Variants in ZNF512 observed in about 807,000 individuals in gnomAD.
ZNF512 encodes the protein zinc finger protein 512.
A neutral mutation model predicts 77.5 loss-of-function variants in ZNF512; 25 were observed. The ratio of observed to expected loss-of-function variants is 0.32; its 90% confidence interval spans 0.23 to 0.45. The LOEUF is 0.45. Among genes scored for constraint, ZNF512 ranks in the 20% least tolerant of loss-of-function variants. The pLI is 1.00. For synonymous variants in ZNF512, 246 were observed against 239.9 expected, an observed-to-expected ratio of 1.03 and a Z score of -0.24; for missense variants, 483 against 692.6, an observed-to-expected ratio of 0.70 and a Z score of 3.40.
At position 27,617,296 on chromosome 2, in the gene ZNF512, G is replaced by C; in HGVS notation, c.1297-177G>C. The C allele has an allele frequency of 1.0e-5, 6 of 575,786 alleles. No individual in the cohort carries two copies. The South Asian group carries it at 1.3e-4, about 12-fold the overall frequency. 35.7% of individuals were successfully genotyped at this position (575,786 alleles called of 1,614,324 possible). A position where few individuals can be genotyped will look rare whatever the true frequency, so the allele number is the denominator to read the frequency against. On this transcript the variant is annotated intron_variant, in intron 12 of 13. Coordinates refer to ENST00000355467, the MANE Select transcript of ZNF512 (RefSeq NM_032434.4). Reference sequence around the variant, plus strand: ...CAGAATTGCACTAGGATGGATTTATGTTGATAATCATCCATCCAAGCTGGT... The same window carrying C: ...CAGAATTGCACTAGGATGGATTTATCTTGATAATCATCCATCCAAGCTGGT...
chr2:27,602,259 G>T (rs1014377585), intron 7 of ZNF512, among the ~76,000 whole-genome samples: 5 of 152,210 alleles, frequency 3.3e-5, no homozygotes, highest in Admixed American at 6.5e-5. Flanking sequence ...TATCTTGGGA[G>T]TCAGAGGCTC....
chr2:27,600,700 A>C lies in ZNF512; in HGVS notation c.467A>C (p.Glu156Ala). 1 of 1,613,604 alleles carries C rather than the reference A, an allele frequency of 6.2e-7. No individual in the cohort carries two copies. Among genetic ancestry groups the C allele is most frequent in the Non-Finnish European group, 8.5e-7 (1 of 1,179,760 alleles). ...EPPVYAAGSL[E>A]EQWYLEIVDK... ...TTTCTCTCCTTTGTAGGCAGTTTGG[A>C]GGAGCAATGGTACTTAGAAATCGTT... Residue 156 changes from glutamate to alanine, a missense_variant, in exon 6 of 14, where the codon GAG becomes GCG. Glu to Ala is a moderately radical substitution (Grantham distance 107). Coordinates refer to ENST00000355467, the MANE Select transcript of ZNF512 (RefSeq NM_032434.4).
chr2:27,599,843 C>A, intron 4 of ZNF512, 127 bp from the exon 5 acceptor site: 1 of 1,221,914 alleles, frequency 8.2e-7, no homozygotes, highest in Non-Finnish European at 1.2e-6. Context: ...CCCTTTCATT[C>A]TGTCCTGACT....
intron 3 of ZNF512, among the ~76,000 whole-genome samples, chr2:27,599,236 C>T (rs1463197184): frequency 6.6e-6 from 1 of 152,146 alleles, no homozygotes; most frequent in Admixed American, 6.5e-5. Context: ...TGGATCGTCA[C>T]AATCTCAAGG....
At chr2:27,587,282 T>C (rs1671374608) in intron 2 of ZNF512, among the ~76,000 whole-genome samples, 1 of 149,836 alleles carries the variant, frequency 6.7e-6, no homozygotes, top group Admixed American at 6.6e-5. Flanking sequence ...TTTTTTTTTT[T>C]TTTTCTTTTT....
At chr2:27,613,587 G>A (rs1672756676) in intron 10 of ZNF512, among the ~76,000 whole-genome samples, 1 of 151,974 alleles carries the variant, frequency 6.6e-6, no homozygotes, top group African/African-American at 2.4e-5. Context: ...CCAAATTTGT[G>A]CATACTTAAG....
chr2:27,599,748 G>A, intron 4 of ZNF512, 70 bp downstream of exon 4: 1 of 1,460,722 alleles, frequency 6.8e-7, no homozygotes, highest in Non-Finnish European at 9.5e-7. Flanking sequence ...GTAAAGGAAA[G>A]AGAAGCCTTA....
chr2:27,586,570 G>A (rs1297570892), intron 2 of ZNF512, among the ~76,000 whole-genome samples: 2 of 152,126 alleles, frequency 1.3e-5, no homozygotes, highest in South Asian at 2.1e-4. Context: ...GTAGGTTTTG[G>A]CCTTAGAGGC....
chr2:27,608,558 A>G (rs1035445035), intron 10 of ZNF512, among the ~76,000 whole-genome samples: 5 of 152,068 alleles, frequency 3.3e-5, no homozygotes, highest in African/African-American at 1.2e-4. Context: ...CACGGCCCCA[A>G]GCATACTTCT....
At chr2:27,619,128 G>A (rs1030137640) in intron 13 of ZNF512, among the ~76,000 whole-genome samples, 6 of 151,980 alleles carry the variant, frequency 3.9e-5, no homozygotes, top group African/African-American at 1.5e-4. Flanking sequence ...GGTAATTATC[G>A]GCTGGGCACG....
intron 2 of ZNF512, among the ~76,000 whole-genome samples, chr2:27,596,784 A>G (rs985810205): frequency 2.6e-5 from 4 of 152,100 alleles, no homozygotes; most frequent in African/African-American, 7.2e-5. Flanking sequence ...ATTCTTCCCT[A>G]TTTGTAACAT....
rs752305709 is a variant in ZNF512, at chr2:27,615,230, A to G, written c.1194A>G (p.Thr398=). Residue 398 remains threonine, a synonymous_variant, in exon 11 of 14, where the codon ACA becomes ACG. Transcript: ENST00000355467. ...FSQEVLHKWK[T]DIKKYHRIQC... ...AGGAAGTACTACATAAATGGAAGACAGATATCAAGAAATATCATCGTATTC... is the reference window on the plus strand; with the variant it reads ...AGGAAGTACTACATAAATGGAAGACGGATATCAAGAAATATCATCGTATTC... 26 of 1,606,562 alleles carry G rather than the reference A, an allele frequency of 1.6e-5. No individual in the cohort carries two copies. Among genetic ancestry groups the G allele is most frequent in the East Asian group, 4.5e-5 (2 of 44,356 alleles).
At position 27,599,640 on chromosome 2, in the gene ZNF512, A is replaced by G; in HGVS notation, c.335A>G (p.Asp112Gly). Residue 112 changes from aspartate to glycine, a missense_variant, in exon 4 of 14, where the codon GAC becomes GGC. Coordinates refer to ENST00000355467, the MANE Select transcript of ZNF512 (RefSeq NM_032434.4). ...AAACCCAGGCAGGAAGAAGATGAAG[A>G]CTATCGAGAATTTCCTCAGAAGAAG... ...KRKPRQEEDE[D>G]YREFPQKKHK... 1 of 1,614,222 alleles carries G rather than the reference A, an allele frequency of 6.2e-7. No individual in the cohort carries two copies. Among genetic ancestry groups the G allele is most frequent in the Non-Finnish European group, 8.5e-7 (1 of 1,180,022 alleles).
intron 2 of ZNF512, among the ~76,000 whole-genome samples, chr2:27,593,195 TACACACACACACACACACACACACAC>T (rs57568574): frequency 2.7e-5 from 3 of 112,078 alleles, no homozygotes; most frequent in South Asian, 3.6e-4. Context: ...ACCCTGTCTC[TACACACACACACACACACACACACAC>T]ACACACACAC....
chr2:27,604,549 G>A (rs1672275052), intron 9 of ZNF512, among the ~76,000 whole-genome samples: 1 of 152,128 alleles, frequency 6.6e-6, no homozygotes, highest in African/African-American at 2.4e-5. Flanking sequence ...GGGAAGCTGA[G>A]GTGGGTGGAT....
intron 2 of ZNF512, among the ~76,000 whole-genome samples, chr2:27,596,021 A>C (rs916170568): frequency 6.6e-6 from 1 of 151,864 alleles, no homozygotes; most frequent in Non-Finnish European, 1.5e-5. Flanking sequence ...GTCCTATTAT[A>C]ATTCTTCTGG....
chr2:27,608,594 C>T (rs754859792), intron 10 of ZNF512, among the ~76,000 whole-genome samples: 17 of 151,962 alleles, frequency 1.1e-4, no homozygotes, highest in Non-Finnish European at 2.4e-4. Context: ...TGTTTGGAAG[C>T]CCTTGGATCT....
intron 9 of ZNF512, among the ~76,000 whole-genome samples, chr2:27,607,045 C>T (rs1412387299): frequency 2.0e-5 from 3 of 152,150 alleles, no homozygotes; most frequent in East Asian, 3.9e-4. Context: ...ATCTCTCCTG[C>T]CTCTTCTTCT....
intron 12 of ZNF512, 53 bp downstream of exon 12, chr2:27,616,377 C>T: frequency 1.4e-6 from 2 of 1,399,596 alleles, no homozygotes; most frequent in Non-Finnish European, 2.0e-6. Flanking sequence ...AATAGTCTGA[C>T]ATGGAAGAGA....
Sources: gnomAD v4.1 joint callset for allele counts (sites outside exome capture counted in the v4.1 genomes callset) on GRCh38, gnomAD v4.1.1 for gene constraint, MANE v1.5 for transcripts, NCBI Gene and HGNC (gene_info 2026-07-23, HGNC 2026-07-21) for gene names.